The following RANBP3 variants were observed in gnomAD, a reference collection of about 807,000 sequenced individuals.
The protein encoded by RANBP3 is ran-binding protein 3.
Under a neutral mutation model 77.3 loss-of-function variants are expected in RANBP3, and 14 were observed. That is an observed-to-expected ratio of 0.18 (90% confidence interval 0.12 to 0.28). The LOEUF is 0.28. Ranked by LOEUF, RANBP3 falls within the 10% of genes least tolerant of loss-of-function variation. The pLI, the probability that RANBP3 is intolerant of heterozygous loss-of-function variation, is 1.00. For synonymous variants in RANBP3, 315 were observed against 312.4 expected, an observed-to-expected ratio of 1.01 and a Z score of -0.09; for missense variants, 586 against 752.3, an observed-to-expected ratio of 0.78 and a Z score of 2.59.
At position 5,923,279 on chromosome 19, in the gene RANBP3, G is replaced by A; in HGVS notation, c.1124C>T (p.Ala375Val). 1 of 1,614,238 alleles carries A rather than the reference G, an allele frequency of 6.2e-7. No homozygotes were observed. The change falls in exon 13 of 17, where the codon GCC (alanine) becomes GTC (valine). Residue 375 changes from alanine to valine, a missense_variant. Physicochemically the swap from Ala to Val is moderately conservative, Grantham distance 64. Coordinates refer to ENST00000340578, the MANE Select transcript of RANBP3 (RefSeq NM_007322.3). ...EKESLAESAA[A>V]YTKATARKCL... is the part of the protein sequence containing the mutation. ...CTTCCGCGCTGTTGCCTTGGTGTAG[G>A]CGGCTGCCGACTCAGCCAGGGACTC...
At chr19:5,951,136 G>A (rs1395035228) in intron 3 of RANBP3, among the ~76,000 whole-genome samples, 1 of 152,142 alleles carries the variant, frequency 6.6e-6, no homozygotes, top group Non-Finnish European at 1.5e-5. Flanking sequence ...TGTCTTTTTT[G>A]GGAAACAGGA....
chr19:5,936,830 G>C (rs1452917665), intron 5 of RANBP3, among the ~76,000 whole-genome samples: 3 of 152,094 alleles, frequency 2.0e-5, no homozygotes, highest in African/African-American at 7.2e-5. Flanking sequence ...ATCGATCAAG[G>C]AACAAGCACG....
intron 3 of RANBP3, among the ~76,000 whole-genome samples, chr19:5,945,654 C>T (rs2058194625): frequency 6.6e-6 from 1 of 152,164 alleles, no homozygotes; most frequent in Non-Finnish European, 1.5e-5. Flanking sequence ...CCAACTCTTA[C>T]GGTTGACTCG....
chr19:5,969,720 G>A (rs903015229), intron 1 of RANBP3, among the ~76,000 whole-genome samples: 6 of 152,216 alleles, frequency 3.9e-5, no homozygotes, highest in African/African-American at 1.2e-4. Context: ...CCATGGCCTC[G>A]GGCTTCAGCC....
chr19:5,967,923 C>T (rs1456450049), intron 1 of RANBP3, among the ~76,000 whole-genome samples: 1 of 151,954 alleles, frequency 6.6e-6, no homozygotes, highest in Non-Finnish European at 1.5e-5. Flanking sequence ...AGGCTGAGAC[C>T]CAAGCATCAC....
At chr19:5,956,221 A>T (rs1156843277) in intron 2 of RANBP3, among the ~76,000 whole-genome samples, 1 of 152,242 alleles carries the variant, frequency 6.6e-6, no homozygotes, top group African/African-American at 2.4e-5. Flanking sequence ...AAATGGTTCA[A>T]AAGATAATAA....
Position 5,917,952 on chromosome 19 carries a change from T to A in RANBP3, c.1502A>T (p.Tyr501Phe), listed in dbSNP as rs778086889. Residue 501 changes from tyrosine to phenylalanine, a missense_variant, in exon 16 of 17, where the codon TAT becomes TTT. By Grantham distance (22) the Tyr-to-Phe change is conservative. Coordinates refer to ENST00000340578, the MANE Select transcript of RANBP3 (RefSeq NM_007322.3). ...SASSKDTGQLYAALHHRILAL... is the reference protein window; with the variant it reads ...SASSKDTGQLFAALHHRILAL... ...CAGGATGCGGTGGTGCAGGGCTGCA[T>A]ACAACTGACCTGTGTCCTTGGAGCT... The A allele has an allele frequency of 5.0e-6, 8 of 1,608,274 alleles. No homozygotes were observed. In the South Asian group the frequency reaches 8.8e-5, roughly 18 times the overall value.
At chr19:5,975,103 A>T (rs1475850563) in intron 1 of RANBP3, among the ~76,000 whole-genome samples, 2 of 152,224 alleles carry the variant, frequency 1.3e-5, no homozygotes, top group Admixed American at 1.3e-4. Context: ...AGGAGGCCCC[A>T]CTTTACACAG....
At chr19:5,945,603 T>C (rs1264422831) in intron 3 of RANBP3, among the ~76,000 whole-genome samples, 1 of 152,216 alleles carries the variant, frequency 6.6e-6, no homozygotes, top group Non-Finnish European at 1.5e-5. Context: ...TGATCTTGTC[T>C]AGATGTTCTA....
At chr19:5,930,717 T>C (rs779694135) in intron 8 of RANBP3, among the ~76,000 whole-genome samples, 7 of 152,144 alleles carry the variant, frequency 4.6e-5, no homozygotes, top group Non-Finnish European at 1.0e-4. Context: ...TACAGGTACA[T>C]GCTACCATGC....
rs77782990 is a variant in RANBP3 at position 5,936,488 on chromosome 19, G to T, written c.407-3009C>A. 4.6e-3 allele frequency among the ~76,000 whole-genome samples: 694 copies of T among 152,304 alleles called. 3 individuals are homozygous for T. Among genetic ancestry groups the T allele is most frequent in the African/African-American group, 0.016 (666 of 41,564 alleles). On this transcript the variant is annotated intron_variant, in intron 5 of 16. Coordinates refer to ENST00000340578, the MANE Select transcript of RANBP3 (RefSeq NM_007322.3). Reference sequence around the variant, plus strand: ...CAAAGGTGTGTCCCCAGCTCTGTCCGCGGAGGGCCGGGAGCAGGGCTACAC... The same window carrying T: ...CAAAGGTGTGTCCCCAGCTCTGTCCTCGGAGGGCCGGGAGCAGGGCTACAC...
At chr19:5,923,682 G>A in intron 12 of RANBP3, 130 bp downstream of exon 12, 1 of 685,760 alleles carries the variant, frequency 1.5e-6, no homozygotes, top group Non-Finnish European at 2.5e-6. Flanking sequence ...CCCTGGAGCT[G>A]GTTCACATGT....
rs2145220525 is a variant in RANBP3, at chr19:5,959,934, G to C, written c.23-1961C>G. On this transcript the variant is annotated intron_variant, in intron 1 of 16. Coordinates refer to ENST00000340578, the MANE Select transcript of RANBP3 (RefSeq NM_007322.3). This position sits in a 1 kb window ranked among gnomAD's most constrained non-coding sequence, Gnocchi z 5.1. ...CCACCCCTCGTCCCCCTGTCCCCCAGTTCAGATGGAGCCAAGCTCAGCCCC... is the reference window on the plus strand; with the variant it reads ...CCACCCCTCGTCCCCCTGTCCCCCACTTCAGATGGAGCCAAGCTCAGCCCC... Among the ~76,000 whole-genome samples the C allele has an allele frequency of 6.6e-6, 1 of 152,240 alleles. No individual in the cohort carries two copies. Among genetic ancestry groups the C allele is most frequent in the South Asian group, 2.1e-4 (1 of 4,824 alleles).
intron 15 of RANBP3, 110 bp downstream of exon 15, chr19:5,918,386 A>ACGGGGGGGGGGGGGGGGG: frequency 1.6e-6 from 1 of 617,696 alleles, no homozygotes; most frequent in Non-Finnish European, 2.5e-6. Flanking sequence ...GAAGCAACTG[A>ACGGGGGGGGGGGGGGGGG]AGCCCCTCCC....
intron 8 of RANBP3, among the ~76,000 whole-genome samples, chr19:5,929,542 A>G (rs2057959707): frequency 6.6e-6 from 1 of 152,154 alleles, no homozygotes; most frequent in African/African-American, 2.4e-5. Context: ...AAACTGATAA[A>G]CGAATCCCGA....
At position 5,916,990 on chromosome 19, in the gene RANBP3, A is replaced by G. The variant is rs1159662098; in HGVS notation, c.*620T>C. On this transcript the variant is annotated 3_prime_UTR_variant, in exon 17 of 17. Coordinates refer to ENST00000340578, the MANE Select transcript of RANBP3 (RefSeq NM_007322.3). ...GCTCGAGAGCATCTTAACCTAAGAA[A>G]CCAAAACAAAGCCTTCGAAAATAAA... 1.3e-5 allele frequency: 2 copies of G among 154,234 alleles called. No homozygotes were observed. The highest frequency in any genetic ancestry group is 2.9e-5 in the Non-Finnish European group (2 of 68,510). 9.6% of individuals were successfully genotyped at this position (154,234 alleles called of 1,614,324 possible).
At chr19:5,939,801 C>T (rs369255675) in intron 5 of RANBP3, among the ~76,000 whole-genome samples, 6 of 152,328 alleles carry the variant, frequency 3.9e-5, no homozygotes, top group East Asian at 1.9e-4. Flanking sequence ...GCCCGACGGC[C>T]TTGATCTGTC....
Position 5,959,340 on chromosome 19 carries a change from A to G in RANBP3, c.23-1367T>C, listed in dbSNP as rs915017404. Among the ~76,000 whole-genome samples, 4 of 152,100 alleles carry G rather than the reference A, an allele frequency of 2.6e-5. No homozygotes were observed. Among genetic ancestry groups the G allele is most frequent in the African/African-American group, 9.7e-5 (4 of 41,390 alleles). ...GAGGTGGAGAGAAAGGGACAGCACC[A>G]AGATGACCAAACAGACACCATCCCA... On this transcript the variant is annotated intron_variant, in intron 1 of 16. Coordinates refer to ENST00000340578, the MANE Select transcript of RANBP3 (RefSeq NM_007322.3). This position sits in a 1 kb window ranked among gnomAD's most constrained non-coding sequence, Gnocchi z 5.1.
chr19:5,954,973 C>T (rs191624490), intron 2 of RANBP3, among the ~76,000 whole-genome samples: 4 of 152,324 alleles, frequency 2.6e-5, no homozygotes, highest in Admixed American at 1.3e-4. Context: ...AGAGGTTTCC[C>T]ACATGCCTCT....
Sources: allele counts gnomAD v4.1 joint callset (sites outside exome capture counted in the v4.1 genomes callset), GRCh38; gene constraint gnomAD v4.1.1; non-coding constraint Gnocchi (gnomAD v3.1); transcripts MANE v1.5; gene names NCBI Gene and HGNC (gene_info 2026-07-23, HGNC 2026-07-21).